CMTM4: variants seen among roughly 807,000 people sequenced by gnomAD.
CMTM4 encodes the protein CKLF-like MARVEL transmembrane domain-containing protein 4.
CMTM4 carries 8 observed loss-of-function variants against 19.0 expected under a neutral mutation model. That is an observed-to-expected ratio of 0.42 (90% CI 0.25 to 0.76). The LOEUF is 0.76. CMTM4 is among the 30% of genes least tolerant of loss of function. The pLI is 0.27. For synonymous variants in CMTM4, 106 were observed against 121.1 expected (o/e 0.88, Z 0.82); for missense variants, 228 against 290.2 (o/e 0.79, Z 1.56).
chr16:66,693,284 T>C (rs994186771), intron 1 of CMTM4, among the ~76,000 whole-genome samples: 5 of 152,104 alleles, frequency 3.3e-5, no homozygotes, highest in Non-Finnish European at 7.4e-5. Flanking sequence ...TCTTGCTACG[T>C]TGCCCAAGCT....
chr16:66,626,764 C>T (rs2015747834), intron 2 of CMTM4, among the ~76,000 whole-genome samples: 1 of 149,374 alleles, frequency 6.7e-6, no homozygotes, highest in Non-Finnish European at 1.5e-5. Context: ...AATGAGACTC[C>T]GTCTCAAAGA....
At chr16:66,644,524 C>CT (rs1173198825) in intron 1 of CMTM4, among the ~76,000 whole-genome samples, 1 of 152,224 alleles carries the variant, frequency 6.6e-6, no homozygotes, top group Non-Finnish European at 1.5e-5. Flanking sequence ...AAGGCCCCCC[C>CT]TTTGTCATTT....
At chr16:66,612,134 G>A (rs1385738829), downstream of CMTM4, among the ~76,000 whole-genome samples, 1 of 152,176 alleles carries the variant, frequency 6.6e-6, no homozygotes, top group East Asian at 1.9e-4. This position sits in a 1 kb window ranked among gnomAD's most constrained non-coding sequence, Gnocchi z 6.0. Context: ...GGCTTCTGCG[G>A]CCGGGCACGG....
intron 1 of CMTM4, among the ~76,000 whole-genome samples, chr16:66,663,438 C>T (rs1211897793): frequency 6.7e-6 from 1 of 149,310 alleles, no homozygotes; most frequent in African/African-American, 2.5e-5. Context: ...CCCAGGAGTT[C>T]AAGGTTACAG....
intron 1 of CMTM4, among the ~76,000 whole-genome samples, chr16:66,673,091 T>C (rs1387316220): frequency 1.4e-5 from 2 of 137,986 alleles, no homozygotes; most frequent in South Asian, 5.0e-4. Context: ...TTTTTTTTTT[T>C]TTTTTGTATT....
At chr16:66,678,466 T>C (rs355929) in intron 1 of CMTM4, among the ~76,000 whole-genome samples, 14,271 of 152,294 alleles carry the variant, frequency 0.094, 918 homozygotes, top group East Asian at 0.25. Context: ...GTATCTTTGA[T>C]GGAAAACTAG....
intron 2 of CMTM4, among the ~76,000 whole-genome samples, chr16:66,631,794 G>A (rs139816769): frequency 6.6e-5 from 10 of 152,282 alleles, no homozygotes; most frequent in African/African-American, 1.7e-4. Flanking sequence ...CAAACACTGC[G>A]GAAGGCCACA....
chr16:66,619,876 CT>C lies in CMTM4; in HGVS notation c.*2181del. 2 of 985,406 alleles carry C rather than the reference CT, an allele frequency of 2.0e-6. No individual in the cohort carries two copies. Among genetic ancestry groups the C allele is most frequent in the Non-Finnish European group, 2.4e-6 (2 of 829,930 alleles). 61.0% of individuals were successfully genotyped at this position (985,406 alleles called of 1,614,324 possible). On this transcript the variant is annotated 3_prime_UTR_variant, in exon 4 of 4. Coordinates refer to ENST00000394106, the MANE Select transcript of CMTM4 (RefSeq NM_181521.3). ...CTATCACGAAGATGCAAATTAACTCCTAAGTCACTCTCTGGCGTGTCATCCT... is the reference window on the plus strand; with the variant it reads ...CTATCACGAAGATGCAAATTAACTCCAAGTCACTCTCTGGCGTGTCATCCT...
At chr16:66,688,482 G>A (rs758140375) in intron 1 of CMTM4, among the ~76,000 whole-genome samples, 2 of 151,718 alleles carry the variant, frequency 1.3e-5, no homozygotes, top group Non-Finnish European at 2.9e-5. Flanking sequence ...TCTCATGGCC[G>A]ATAAGAGATA....
chr16:66,617,676 G>A lies in CMTM4; in HGVS notation c.*4382C>T, dbSNP rs907408979. ...ACTTGAATGATATCTGCTGAGAAGA[G>A]AAGAAACACAAGATTCTACAAAGCG... is the stretch of plus-strand genomic sequence containing the variant. On this transcript the variant is annotated 3_prime_UTR_variant, in exon 4 of 4. Coordinates refer to ENST00000394106, the MANE Select transcript of CMTM4 (RefSeq NM_181521.3). 1 of 1,066,972 alleles carries A rather than the reference G, an allele frequency of 9.4e-7. No homozygotes were observed. Among genetic ancestry groups the A allele is most frequent in the Non-Finnish European group, 1.1e-6 (1 of 880,162 alleles). 66.1% of individuals were successfully genotyped at this position (1,066,972 alleles called of 1,614,324 possible).
the CMTM4 span, chr16:66,608,190 G>A: frequency 3.8e-6 from 4 of 1,059,680 alleles, no homozygotes; most frequent in African/African-American, 6.3e-5. The surrounding 1 kb of genome is among the most constrained non-coding windows in gnomAD (Gnocchi z 5.1). Context: ...GCGGGACTGT[G>A]AGCAGTTGGC....
intron 1 of CMTM4, among the ~76,000 whole-genome samples, chr16:66,691,566 T>C (rs965211082): frequency 1.3e-5 from 2 of 152,160 alleles, no homozygotes; most frequent in African/African-American, 4.8e-5. Context: ...CTAGGCATAG[T>C]GGCATACACC....
At position 66,619,639 on chromosome 16, in the gene CMTM4, C is replaced by A. The variant is rs2015592609; in HGVS notation, c.*2419G>T. 2.0e-6 allele frequency: 2 copies of A among 985,152 alleles called. No individual in the cohort carries two copies. The highest frequency in any genetic ancestry group is 1.2e-6 in the Non-Finnish European group (1 of 829,924). 61.0% of individuals were successfully genotyped at this position (985,152 alleles called of 1,614,324 possible). A position where few individuals can be genotyped will look rare whatever the true frequency, so the allele number is the denominator to read the frequency against. ...GCGTCTTCATATTCACCTTGGATAA[C>A]CCTATTCCCTCCAGAACTTTCGTCA... On this transcript the variant is annotated 3_prime_UTR_variant, in exon 4 of 4. Transcript: ENST00000394106.
chr16:66,683,198 T>TATATATATATAC (rs2016969722), intron 1 of CMTM4, among the ~76,000 whole-genome samples: 1 of 120,918 alleles, frequency 8.3e-6, no homozygotes, highest in Admixed American at 9.8e-5. Context: ...TATATACATA[T>TATATATATATAC]ATATATATAT....
intron 1 of CMTM4, among the ~76,000 whole-genome samples, chr16:66,669,078 T>C (rs1416196045): frequency 6.6e-6 from 1 of 152,080 alleles, no homozygotes; most frequent in Non-Finnish European, 1.5e-5. Flanking sequence ...AAGTTGCAAA[T>C]AACTCAAATG....
intron 2 of CMTM4, among the ~76,000 whole-genome samples, 157 bp downstream of exon 2, chr16:66,636,248 C>T (rs2015989512): frequency 6.6e-6 from 1 of 152,078 alleles, no homozygotes; most frequent in African/African-American, 2.4e-5. Context: ...TTTACTTAAC[C>T]CAGTAAAGAA....
In CMTM4 at chr16:66,621,657, C is replaced by T; in HGVS notation, c.*401G>A. The T allele has an allele frequency of 3.0e-6, 3 of 1,015,052 alleles. No individual in the cohort carries two copies. The highest frequency in any genetic ancestry group is 3.5e-6 in the Non-Finnish European group (3 of 846,126). The allele number at this position is 1,015,052 out of a possible 1,614,324, so 62.9% of individuals were successfully genotyped here. ...TGGAGCAGGTGGTGCCTAAGGCTGCCTGAGAACCACTGCCGACTGACCGTT... is the reference window on the plus strand; with the variant it reads ...TGGAGCAGGTGGTGCCTAAGGCTGCTTGAGAACCACTGCCGACTGACCGTT... On this transcript the variant is annotated 3_prime_UTR_variant, in exon 4 of 4. Transcript: ENST00000394106.
intron 1 of CMTM4, among the ~76,000 whole-genome samples, chr16:66,671,302 C>G (rs1241577840): frequency 6.6e-6 from 1 of 152,132 alleles, no homozygotes. Context: ...GGGAAGGAAT[C>G]AGGCAAGCGG....
chr16:66,643,686 C>CAGA (rs2144824623), intron 1 of CMTM4, among the ~76,000 whole-genome samples: 1 of 152,284 alleles, frequency 6.6e-6, no homozygotes, highest in Admixed American at 6.5e-5. Context: ...TAGAATTTAT[C>CAGA]AGAATTCCAG....
Sources: allele counts gnomAD v4.1 joint callset (sites outside exome capture counted in the v4.1 genomes callset), GRCh38; gene constraint gnomAD v4.1.1; non-coding constraint Gnocchi (gnomAD v3.1); transcripts MANE v1.5; gene names NCBI Gene and HGNC (gene_info 2026-07-23, HGNC 2026-07-21).